ADAR: variants seen among roughly 807,000 people sequenced by gnomAD.
The protein encoded by ADAR is double-stranded RNA-specific adenosine deaminase.
A neutral mutation model predicts 113.2 loss-of-function variants in ADAR; 41 were observed. That is an observed-to-expected ratio of 0.36 (90% CI 0.28 to 0.47). The LOEUF (loss-of-function observed/expected upper bound fraction) is 0.47, where lower values mean the gene tolerates loss of function less well. Among genes scored for constraint, ADAR ranks in the 20% least tolerant of loss-of-function variants. The pLI is 1.00. For synonymous variants in ADAR, 605 were observed against 572.6 expected, an observed-to-expected ratio of 1.06 and a Z score of -0.81; for missense variants, 1,242 against 1,540.9, an observed-to-expected ratio of 0.81 and a Z score of 3.25.
chr1:154,623,755 C>A (rs928145416), intron 1 of ADAR, among the ~76,000 whole-genome samples: 2 of 152,156 alleles, frequency 1.3e-5, no homozygotes, highest in South Asian at 2.1e-4. Context: ...GTAATCCCAG[C>A]ACTTTGGGAG....
intron 1 of ADAR, 66 bp downstream of exon 1, chr1:154,607,926 C>G (rs958297256): frequency 1.2e-6 from 2 of 1,607,184 alleles, no homozygotes; most frequent in African/African-American, 1.3e-5. Flanking sequence ...CGCACTGCAA[C>G]ACAAAGCCTG....
chr1:154,582,887 A>T lies in ADAR; in HGVS notation c.*1919T>A, dbSNP rs1198048286. On this transcript the variant is annotated 3_prime_UTR_variant, in exon 15 of 15. Transcript: ENST00000368474. ...CCAGGGAGCAGGCCTCTTCCACTCCAGGAGACAGGCGCCACTTCCCTACCA... is the reference window on the plus strand; with the variant it reads ...CCAGGGAGCAGGCCTCTTCCACTCCTGGAGACAGGCGCCACTTCCCTACCA... 2 of 152,256 alleles carry T rather than the reference A, an allele frequency of 1.3e-5. No homozygotes were observed. The highest frequency in any genetic ancestry group is 2.9e-5 in the Non-Finnish European group (2 of 68,068). 9.4% of individuals were successfully genotyped at this position (152,256 alleles called of 1,614,324 possible). A position where few individuals can be genotyped will look rare whatever the true frequency, so the allele number is the denominator to read the frequency against.
At chr1:154,622,053 A>G (rs1698803347) in intron 1 of ADAR, among the ~76,000 whole-genome samples, 1 of 152,110 alleles carries the variant, frequency 6.6e-6, no homozygotes, top group Non-Finnish European at 1.5e-5. Context: ...TGTGCTCTGC[A>G]GGGGCCTGAG....
intron 1 of ADAR, 128 bp from the exon 2 acceptor site, chr1:154,602,754 ATGACTTGGCTAGGG>A (rs1470030186): frequency 1.7e-6 from 2 of 1,203,336 alleles, no homozygotes; most frequent in African/African-American, 1.5e-5. Flanking sequence ...CCATGGGCTT[ATGACTTGGCTAGGG>A]TGACTTGCCT....
intron 6 of ADAR, among the ~76,000 whole-genome samples, chr1:154,595,252 AT>A (rs1433455418): frequency 6.6e-6 from 1 of 152,228 alleles, no homozygotes; most frequent in Non-Finnish European, 1.5e-5. Context: ...TATTTTTATC[AT>A]TATTTCAGCG....
At chr1:154,612,318 G>GTTTTTT (rs55714254), upstream of ADAR, among the ~76,000 whole-genome samples, 11 of 69,178 alleles carry the variant, frequency 1.6e-4, no homozygotes, top group African/African-American at 3.1e-4. Context: ...AAATTACTCA[G>GTTTTTT]TTTTTTTTTT....
rs148800053 is a variant in ADAR, at chr1:154,618,838, G to C, written c.-871+9017C>G. The stretch of plus-strand genomic sequence containing the variant: ...AAACACCAAGAAGCAGGCCGGCCGT[G>C]GTGGCTTATGCCTGTAATCTCAGCA... On this transcript the variant is annotated intron_variant, in intron 1 of 14. Coordinates refer to the ADAR transcript ENST00000368471. 1.5e-3 allele frequency among the ~76,000 whole-genome samples: 236 copies of C among 152,312 alleles called. 8 individuals carry two copies. In the East Asian group the frequency reaches 0.042, roughly 27 times the overall value.
rs746786973 is a variant in ADAR, at chr1:154,597,881, C to G, written c.1881G>C (p.Gly627=). 1 of 1,614,104 alleles carries G rather than the reference C, an allele frequency of 6.2e-7. No individual in the cohort carries two copies. The highest frequency in any genetic ancestry group is 8.5e-7 in the Non-Finnish European group (1 of 1,180,026). The change falls in exon 4 of 15, where the codon GGG becomes GGC. Residue 627 remains glycine (G), a synonymous_variant. Coordinates refer to ENST00000368474, the MANE Select transcript of ADAR (RefSeq NM_001111.5). ...TTLLECMHKL[G]NSCEFRLLSK... ...ACAGGAGACGGAATTCGCAGGAGTTCCCCAATTTGTGCATACACTCAAGCA... is the reference window on the plus strand; with the variant it reads ...ACAGGAGACGGAATTCGCAGGAGTTGCCCAATTTGTGCATACACTCAAGCA...
rs140789988 is a variant in ADAR at position 154,606,890 on chromosome 1, C to A, written c.15+1102G>T. ...ATACACTGACACCTGTGCAGAAATG[C>A]TTTTCCTTCAAGTTAGGCGTCCTTA... On this transcript the variant is annotated intron_variant, in intron 1 of 14. Transcript: ENST00000368474. Among the ~76,000 whole-genome samples the A allele has an allele frequency of 3.9e-3, 582 of 150,970 alleles. 1 individual carries two copies. The highest frequency in any genetic ancestry group is 0.014 in the African/African-American group (557 of 41,048).
chr1:154,613,754 A>G (rs894965882), intron 1 of ADAR, among the ~76,000 whole-genome samples: 2 of 152,006 alleles, frequency 1.3e-5, no homozygotes, highest in Non-Finnish European at 2.9e-5. Context: ...AAAATACAAA[A>G]TTAGCCGGGT....
intron 1 of ADAR, among the ~76,000 whole-genome samples, chr1:154,624,054 A>C (rs1698868811): frequency 6.6e-6 from 1 of 152,036 alleles, no homozygotes; most frequent in South Asian, 2.1e-4. Flanking sequence ...GAGAGAATGA[A>C]GTCAATAAAG....
chr1:154,615,747 C>T (rs1159935975), intron 1 of ADAR, among the ~76,000 whole-genome samples: 1 of 152,140 alleles, frequency 6.6e-6, no homozygotes, highest in Non-Finnish European at 1.5e-5. Flanking sequence ...GTACAGCCTT[C>T]TCATTATTGT....
At chr1:154,604,554 G>A (rs369895867) in intron 1 of ADAR, among the ~76,000 whole-genome samples, 20 of 152,186 alleles carry the variant, frequency 1.3e-4, no homozygotes, top group African/African-American at 4.8e-4. Flanking sequence ...CTGTGTGGTG[G>A]TCAATTGTGT....
At position 154,584,739 on chromosome 1, in the gene ADAR, A is replaced by T; in HGVS notation, c.*67T>A. ...AAAATCCCCTGACCATGTGATGAGG[A>T]ATGCTACGACCTACCTCTCTCACAC... On this transcript the variant is annotated 3_prime_UTR_variant, in exon 15 of 15. Transcript: ENST00000368474. 1 of 1,318,000 alleles carries T rather than the reference A, an allele frequency of 7.6e-7. No homozygotes were observed. The highest frequency in any genetic ancestry group is 1.1e-6 in the Non-Finnish European group (1 of 917,750). 81.6% of individuals were successfully genotyped at this position (1,318,000 alleles called of 1,614,324 possible). A position where few individuals can be genotyped will look rare whatever the true frequency, so the allele number is the denominator to read the frequency against.
chr1:154,603,554 C>T (rs1035245579), intron 1 of ADAR, among the ~76,000 whole-genome samples: 1 of 152,136 alleles, frequency 6.6e-6, no homozygotes, highest in African/African-American at 2.4e-5. Flanking sequence ...TCTTCTGAAC[C>T]CTGACGGACA....
chr1:154,601,917 AG>A lies in ADAR; in HGVS notation c.724del (p.Glu243SerfsTer18). The A allele has an allele frequency of 6.2e-7, 1 of 1,612,438 alleles. No homozygotes were observed. The highest frequency in any genetic ancestry group is 8.5e-7 in the Non-Finnish European group (1 of 1,179,658). ...AGCTGAGACTGCAATAAAAGGCTCA[AG>A]AAGATCTTCTGAGACAGATGTGGAG... Reference protein sequence around the residue: ...RNSTSVSEDLLEPFIAVSAQA... With the variant: ...RNSTSVSEDLXEPFIAVSAQA... On this transcript the variant is annotated frameshift_variant, in exon 2 of 15. Transcript: ENST00000368474. LOFTEE classifies it high-confidence loss of function. The surrounding 1 kb of genome is among the most constrained non-coding windows in gnomAD (Gnocchi z 4.7).
chr1:154,593,061 G>C (rs950323003), intron 6 of ADAR, among the ~76,000 whole-genome samples: 30 of 149,272 alleles, frequency 2.0e-4, no homozygotes, highest in African/African-American at 7.2e-4. Flanking sequence ...TTTGAACCCA[G>C]GAGGCGGAGG....
At position 154,601,221 on chromosome 1, in the gene ADAR, C is replaced by T. The variant is rs759679549; in HGVS notation, c.1421G>A (p.Arg474Gln). 25 of 1,614,042 alleles carry T rather than the reference C, an allele frequency of 1.5e-5. No homozygotes were observed. The Admixed American group carries it at 2.5e-4, about 16-fold the overall frequency. The change falls in exon 2 of 15, where the codon CGA (arginine) becomes CAA (glutamine). Residue 474 changes from arginine to glutamine, a missense_variant. By Grantham distance (43) the Arg-to-Gln change is conservative. This residue lies in a region of ADAR where 780 missense variants were observed against 1,057.9 expected (regional missense o/e 0.74). Coordinates refer to ENST00000368474, the MANE Select transcript of ADAR (RefSeq NM_001111.5). This position sits in a 1 kb window ranked among gnomAD's most constrained non-coding sequence, Gnocchi z 4.7. ...GAAGGAGGGCATCTCCATGATGGCT[C>T]GAAACTCACCTGGTGCTGCGCGGAT... ...NSIRAAPGEF[R>Q]AIMEMPSFYS... is the part of the protein sequence containing the mutation.
At chr1:154,610,824 GA>G (rs1298389364), upstream of ADAR, among the ~76,000 whole-genome samples, 101 of 65,242 alleles carry the variant, frequency 1.5e-3, 1 homozygote, top group African/African-American at 6.5e-3. Context: ...AAAAAAAAAA[GA>G]AAAAAAAAAA....
Sources: allele counts gnomAD v4.1 joint callset (sites outside exome capture counted in the v4.1 genomes callset), GRCh38; gene constraint gnomAD v4.1.1; regional missense constraint gnomAD v4.1.1; non-coding constraint Gnocchi (gnomAD v3.1); transcripts MANE v1.5; gene names NCBI Gene and HGNC (gene_info 2026-07-23, HGNC 2026-07-21).